DLG2: variants seen among roughly 807,000 people sequenced by gnomAD.
The protein encoded by DLG2 is disks large homolog 2.
Under a neutral mutation model 132.5 loss-of-function variants are expected in DLG2, and 45 were observed. The observed-to-expected ratio is 0.34, with a 90% confidence interval of 0.27 to 0.44. The LOEUF is 0.44. DLG2 is among the 20% of genes least tolerant of loss of function. The pLI, the probability that DLG2 is intolerant of heterozygous loss-of-function variation, is 1.00. For missense variants in DLG2, 1,045 were observed against 1,196.9 expected (o/e 0.87, Z 1.87); for synonymous variants, 424 against 419.6 (o/e 1.01, Z -0.13).
intron 6 of DLG2, among the ~76,000 whole-genome samples, chr11:84,656,335 T>C (rs1165822618): frequency 6.6e-6 from 1 of 152,130 alleles, no homozygotes; most frequent in Non-Finnish European, 1.5e-5. Flanking sequence ...ACTTGAGCCA[T>C]GGAAACAAAA....
chr11:83,986,680 T>C (rs1481164451), intron 11 of DLG2, among the ~76,000 whole-genome samples: 2 of 151,888 alleles, frequency 1.3e-5, no homozygotes. Context: ...CCACCGACAG[T>C]GTAAAAGTGT....
Position 84,693,574 on chromosome 11 carries a change from T to A in DLG2, c.358-158843A>T, listed in dbSNP as rs936249094. On this transcript the variant is annotated intron_variant, in intron 6 of 27. Transcript: ENST00000376104. Reference sequence around the variant, plus strand: ...TCCACATGCCGCAGGAAAAAAAGTATTAAGATTATTTCTAAAAACGAGCTT... The same window carrying A: ...TCCACATGCCGCAGGAAAAAAAGTAATAAGATTATTTCTAAAAACGAGCTT... Among the ~76,000 whole-genome samples, 7 of 151,800 alleles carry A rather than the reference T, an allele frequency of 4.6e-5. No individual in the cohort carries two copies. The East Asian group carries it at 9.7e-4, about 21-fold the overall frequency.
intron 3 of DLG2, among the ~76,000 whole-genome samples, chr11:85,425,605 C>T (rs2090653965): frequency 6.6e-6 from 1 of 152,074 alleles, no homozygotes; most frequent in Non-Finnish European, 1.5e-5. Context: ...AGTAATCCTA[C>T]TTTCTTAAAC....
At position 85,471,930 on chromosome 11, in the gene DLG2, C is replaced by T. The variant is rs185597442; in HGVS notation, c.40+126727G>A. On this transcript the variant is annotated intron_variant, in intron 3 of 27. Coordinates refer to ENST00000376104, the MANE Select transcript of DLG2 (RefSeq NM_001142699.3). ...AGCAATCTTAGATTTAAAAAAAAGACCCACAAGGAACCATAATGTGACTTT... is the reference window on the plus strand; with the variant it reads ...AGCAATCTTAGATTTAAAAAAAAGATCCACAAGGAACCATAATGTGACTTT... Among the ~76,000 whole-genome samples, 15 of 151,980 alleles carry T rather than the reference C, an allele frequency of 9.9e-5. No homozygotes were observed. The East Asian group carries it at 2.7e-3, about 27-fold the overall frequency.
At chr11:83,623,735 C>G (rs1429550326) in intron 19 of DLG2, among the ~76,000 whole-genome samples, 1 of 152,230 alleles carries the variant, frequency 6.6e-6, no homozygotes, top group Non-Finnish European at 1.5e-5. Flanking sequence ...AGACACTGTT[C>G]AAACACTGAG....
intron 3 of DLG2, among the ~76,000 whole-genome samples, chr11:85,523,904 A>C (rs2074526145): frequency 6.6e-6 from 1 of 152,232 alleles, no homozygotes; most frequent in African/African-American, 2.4e-5. Flanking sequence ...CAGCCCTAAA[A>C]AAAAGAATGA....
At chr11:85,487,236 T>A (rs2093449569) in intron 3 of DLG2, among the ~76,000 whole-genome samples, 1 of 151,610 alleles carries the variant, frequency 6.6e-6, no homozygotes, top group Admixed American at 6.6e-5. Context: ...TAGACATGAA[T>A]GTAAGAGCAC....
At chr11:84,959,711 T>C (rs576795611) in intron 6 of DLG2, among the ~76,000 whole-genome samples, 1 of 152,328 alleles carries the variant, frequency 6.6e-6, no homozygotes, top group Admixed American at 6.5e-5. Flanking sequence ...TATTAATCAC[T>C]TATTTAATTG....
At chr11:84,290,300 C>T (rs1191548056) in intron 7 of DLG2, among the ~76,000 whole-genome samples, 2 of 152,096 alleles carry the variant, frequency 1.3e-5, no homozygotes, top group African/African-American at 2.4e-5. Flanking sequence ...TCTGCCTTCA[C>T]TTTACATGTT....
At chr11:83,789,061 C>A (rs181065682) in intron 17 of DLG2, among the ~76,000 whole-genome samples, 4 of 152,098 alleles carry the variant, frequency 2.6e-5, no homozygotes, top group Admixed American at 1.3e-4. Flanking sequence ...ACGAAGGCAA[C>A]AGAAAAGCTC....
intron 18 of DLG2, among the ~76,000 whole-genome samples, chr11:83,724,601 G>C (rs577168675): frequency 2.6e-5 from 4 of 152,140 alleles, no homozygotes; most frequent in Non-Finnish European, 4.4e-5. Flanking sequence ...GTGTGATTCT[G>C]AGGTTGCATT....
chr11:84,395,714 T>G (rs746666243), intron 7 of DLG2, among the ~76,000 whole-genome samples: 1 of 152,248 alleles, frequency 6.6e-6, no homozygotes, highest in African/African-American at 2.4e-5. Flanking sequence ...TAACTAGATT[T>G]AATCATTCCG....
chr11:84,399,805 A>G (rs960693095), intron 7 of DLG2, among the ~76,000 whole-genome samples: 1 of 152,190 alleles, frequency 6.6e-6, no homozygotes, highest in Non-Finnish European at 1.5e-5. Flanking sequence ...TGGTTCTACA[A>G]AAATCCAAGG....
At chr11:85,568,078 G>A (rs183939271) in intron 3 of DLG2, among the ~76,000 whole-genome samples, 41 of 149,268 alleles carry the variant, frequency 2.7e-4, no homozygotes, top group African/African-American at 7.9e-4. Context: ...GCAATGGCGC[G>A]ATCTTGGCTC....
At chr11:84,200,725 C>T (rs1309390549) in intron 8 of DLG2, among the ~76,000 whole-genome samples, 1 of 152,052 alleles carries the variant, frequency 6.6e-6, no homozygotes, top group Non-Finnish European at 1.5e-5. Flanking sequence ...AATGGGAGTT[C>T]ATTCATGATT....
At chr11:84,690,682 A>T (rs2057929198) in intron 6 of DLG2, among the ~76,000 whole-genome samples, 1 of 151,900 alleles carries the variant, frequency 6.6e-6, no homozygotes, top group Admixed American at 6.6e-5. Context: ...ATCTCATTTA[A>T]TCCTTATACT....
chr11:85,149,411 C>A (rs1031534974), intron 5 of DLG2, among the ~76,000 whole-genome samples: 3 of 152,104 alleles, frequency 2.0e-5, no homozygotes, highest in African/African-American at 7.2e-5. Context: ...TGAGTTGTCT[C>A]TTATTTCAGT....
intron 17 of DLG2, among the ~76,000 whole-genome samples, chr11:83,820,504 T>C (rs2050464922): frequency 6.6e-6 from 1 of 152,164 alleles, no homozygotes; most frequent in South Asian, 2.1e-4. Context: ...AAGCATTTCA[T>C]ATGTAACAAG....
intron 7 of DLG2, among the ~76,000 whole-genome samples, chr11:84,493,361 T>C (rs1223493775): frequency 6.6e-6 from 1 of 152,114 alleles, no homozygotes; most frequent in East Asian, 1.9e-4. Context: ...CTTATCTAAA[T>C]ATAAGTAGTG....
Sources: allele counts gnomAD v4.1 joint callset (sites outside exome capture counted in the v4.1 genomes callset), GRCh38; gene constraint gnomAD v4.1.1; transcripts MANE v1.5; gene names NCBI Gene and HGNC (gene_info 2026-07-23, HGNC 2026-07-21).